Variants in ARMC3 observed in about 807,000 individuals in gnomAD.
The protein encoded by ARMC3 is armadillo repeat containing 3.
A neutral mutation model predicts 90.3 loss-of-function variants in ARMC3; 74 were observed. The observed-to-expected ratio is 0.82, with a 90% confidence interval of 0.68 to 0.99. ARMC3 has a LOEUF of 0.99. Ranked by LOEUF, ARMC3 falls within the 50% of genes least tolerant of loss-of-function variation. The pLI, the probability that ARMC3 is intolerant of heterozygous loss-of-function variation, is 0.00. For missense variants in ARMC3, 958 were observed against 1,042.8 expected (o/e 0.92, Z 1.12); for synonymous variants, 334 against 361.8 (o/e 0.92, Z 0.87).
At position 22,940,204 on chromosome 10, in the gene ARMC3, T is replaced by C. The variant is rs145769750; in HGVS notation, c.49-5940T>C. ...TGAGAAAAAGATGGACATTTTATGATACAAAGGTTTATTTTTTAATGGTCC... is the reference window on the plus strand; with the variant it reads ...TGAGAAAAAGATGGACATTTTATGACACAAAGGTTTATTTTTTAATGGTCC... On this transcript the variant is annotated intron_variant, in intron 2 of 18. Coordinates refer to ENST00000298032, the MANE Select transcript of ARMC3 (RefSeq NM_173081.5). Among the ~76,000 whole-genome samples the C allele has an allele frequency of 3.5e-3, 532 of 152,348 alleles. 1 individual carries two copies. The highest frequency in any genetic ancestry group is 4.5e-3 in the Non-Finnish European group (308 of 68,020).
intron 8 of ARMC3, among the ~76,000 whole-genome samples, chr10:22,973,417 G>GAT (rs910281513): frequency 2.0e-5 from 3 of 150,616 alleles, no homozygotes; most frequent in Admixed American, 2.0e-4. Context: ...CCTGGTATAG[G>GAT]ATCTATTTGT....
intron 7 of ARMC3, among the ~76,000 whole-genome samples, chr10:22,966,859 C>T (rs987230004): frequency 5.9e-5 from 9 of 152,116 alleles, no homozygotes; most frequent in African/African-American, 1.9e-4. Flanking sequence ...GGGAACTGCC[C>T]CCATGATCCA....
intron 3 of ARMC3, among the ~76,000 whole-genome samples, chr10:22,953,666 G>A (rs1441623318): frequency 1.3e-5 from 2 of 152,128 alleles, no homozygotes; most frequent in Non-Finnish European, 2.9e-5. Flanking sequence ...ACATTGTATG[G>A]GAGATTCTAG....
At chr10:22,963,922 CAAAAAAAA>C (rs35508443) in intron 7 of ARMC3, among the ~76,000 whole-genome samples, 1,892 of 57,848 alleles carry the variant, frequency 0.033, 25 homozygotes, top group African/African-American at 0.047. Flanking sequence ...CACACACACA[CAAAAAAAA>C]AAAAAAAAAA....
chr10:22,995,554 G>GT (rs1029187523), intron 10 of ARMC3, among the ~76,000 whole-genome samples: 2 of 152,108 alleles, frequency 1.3e-5, no homozygotes, highest in East Asian at 3.8e-4. Context: ...TAAACACCTA[G>GT]TTTTTTATGC....
rs776405027 is a variant in ARMC3 at position 23,003,413 on chromosome 10, G to A, written c.1730G>A (p.Arg577Gln). ...AACGATGGATTCTATGATTATGGTC[G>A]GGTAAGTGACAGCATTTATTTGTAG... ...IINDGFYDYG[R>Q]INPGTKLLPL... The change falls in exon 13 of 19, where the codon CGG becomes CAG. Residue 577 changes from arginine to glutamine, a missense_variant and splice_region_variant. Coordinates refer to ENST00000298032, the MANE Select transcript of ARMC3 (RefSeq NM_173081.5). 1.4e-5 allele frequency: 22 copies of A among 1,592,396 alleles called. No individual in the cohort carries two copies. The highest frequency in any genetic ancestry group is 1.1e-4 in the South Asian group (9 of 85,392).
chr10:22,988,535 T>G (rs148115041), intron 10 of ARMC3, among the ~76,000 whole-genome samples: 1 of 152,338 alleles, frequency 6.6e-6, no homozygotes, highest in Non-Finnish European at 1.5e-5. Context: ...TTACCATTTC[T>G]TTTATTCTAT....
chr10:22,981,739 A>T (rs1435309234), intron 10 of ARMC3, 39 bp downstream of exon 10: 1 of 1,523,056 alleles, frequency 6.6e-7, no homozygotes, highest in Admixed American at 1.7e-5. Flanking sequence ...GACTTGTGGG[A>T]CAATTCACAG....
chr10:22,980,454 A>AT (rs1231785531), intron 8 of ARMC3, among the ~76,000 whole-genome samples: 4 of 152,008 alleles, frequency 2.6e-5, no homozygotes, highest in Non-Finnish European at 4.4e-5. Context: ...AATTTAATAT[A>AT]TTTTTTCTAG....
intron 11 of ARMC3, among the ~76,000 whole-genome samples, chr10:23,001,246 T>C (rs1837273284): frequency 6.6e-6 from 1 of 152,198 alleles, no homozygotes; most frequent in Non-Finnish European, 1.5e-5. Flanking sequence ...CTTAAAGCCA[T>C]GTAAATCGAA....
At chr10:22,999,644 T>C in intron 11 of ARMC3, among the ~76,000 whole-genome samples, 1 of 152,192 alleles carries the variant, frequency 6.6e-6, no homozygotes, top group East Asian at 1.9e-4. Flanking sequence ...ATATTACAGA[T>C]GAGGAAAATG....
At position 22,998,229 on chromosome 10, in the gene ARMC3, T is replaced by A; in HGVS notation, c.1257T>A (p.Ala419=). The change falls in exon 11 of 19, where the codon GCT becomes GCA. Residue 419 remains alanine, a synonymous_variant. Transcript: ENST00000298032. ...SKRDGAIANA[A]TVLTNMAMQE... is the part of the protein sequence containing the mutation. ...GAGATGGAGCCATTGCCAACGCTGCTACAGTATTAACAAACATGGCCATGC... is the reference window on the plus strand; with the variant it reads ...GAGATGGAGCCATTGCCAACGCTGCAACAGTATTAACAAACATGGCCATGC... 6.2e-7 allele frequency: 1 copy of A among 1,613,026 alleles called. No homozygotes were observed. Among genetic ancestry groups the A allele is most frequent in the East Asian group, 2.2e-5 (1 of 44,834 alleles).
intron 3 of ARMC3, among the ~76,000 whole-genome samples, chr10:22,950,564 AG>A (rs1342277482): frequency 6.6e-6 from 1 of 152,196 alleles, no homozygotes; most frequent in Non-Finnish European, 1.5e-5. Context: ...CTGAATATGA[AG>A]AAAAAAGAAA....
At chr10:23,021,492 G>GT (rs1316546161) in intron 16 of ARMC3, among the ~76,000 whole-genome samples, 2 of 151,898 alleles carry the variant, frequency 1.3e-5, no homozygotes, top group Non-Finnish European at 2.9e-5. Context: ...TTATTTTTTA[G>GT]TTTTTTAGTA....
chr10:22,983,973 C>T (rs917357831), intron 10 of ARMC3, among the ~76,000 whole-genome samples: 5 of 152,154 alleles, frequency 3.3e-5, no homozygotes, highest in Non-Finnish European at 7.3e-5. Context: ...ATCATTTCCC[C>T]AGGAAGCATC....
At chr10:22,998,490 T>C in intron 11 of ARMC3, 93 bp downstream of exon 11, 1 of 1,480,368 alleles carries the variant, frequency 6.8e-7, no homozygotes, top group South Asian at 1.3e-5. Context: ...TGAACCTACC[T>C]GTCATTTAAG....
At chr10:23,011,211 A>G (rs1187084527) in intron 16 of ARMC3, among the ~76,000 whole-genome samples, 2 of 152,188 alleles carry the variant, frequency 1.3e-5, no homozygotes, top group Non-Finnish European at 2.9e-5. Flanking sequence ...GCTGGCACTC[A>G]TAGGCATTCA....
chr10:23,018,766 T>C lies in ARMC3; in HGVS notation c.2045+9835T>C, dbSNP rs555158258. Among the ~76,000 whole-genome samples, 9 of 152,272 alleles carry C rather than the reference T, an allele frequency of 5.9e-5. No individual in the cohort carries two copies. In the East Asian group the frequency reaches 1.4e-3, roughly 23 times the overall value. ...CTTCTGACCTCGTGATCCACCCGCC[T>C]TGGCCTCCCAAAGTGCTAGGATTAC... is the stretch of plus-strand genomic sequence containing the variant. On this transcript the variant is annotated intron_variant, in intron 16 of 18. Coordinates refer to ENST00000298032, the MANE Select transcript of ARMC3 (RefSeq NM_173081.5).
intron 16 of ARMC3, among the ~76,000 whole-genome samples, chr10:23,028,351 C>T (rs1838799742): frequency 8.2e-6 from 1 of 122,602 alleles, no homozygotes; most frequent in African/African-American, 2.6e-5. Flanking sequence ...CTATTTATTT[C>T]TAAGATTTTT....
Sources: allele counts gnomAD v4.1 joint callset (sites outside exome capture counted in the v4.1 genomes callset), GRCh38; gene constraint gnomAD v4.1.1; transcripts MANE v1.5; gene names NCBI Gene and HGNC (gene_info 2026-07-23, HGNC 2026-07-21).